MAPK4: variants seen among roughly 807,000 people sequenced by gnomAD.
The protein encoded by MAPK4 is Erk3-related.
A neutral mutation model predicts 47.7 loss-of-function variants in MAPK4; 22 were observed. The observed-to-expected ratio is 0.46, with a 90% CI of 0.33 to 0.66. The LOEUF is 0.66. MAPK4 is among the 30% of genes least tolerant of loss of function. The pLI, the probability that MAPK4 is intolerant of heterozygous loss-of-function variation, is 0.02. For missense variants in MAPK4, 736 were observed against 831.7 expected, an observed-to-expected ratio of 0.88 and a Z score of 1.42; for synonymous variants, 390 against 365.7, an observed-to-expected ratio of 1.07 and a Z score of -0.76.
At chr18:50,610,632 A>C (rs1045240651) in intron 1 of MAPK4, among the ~76,000 whole-genome samples, 1 of 152,216 alleles carries the variant, frequency 6.6e-6, no homozygotes, top group African/African-American at 2.4e-5. Flanking sequence ...ATAATTGAAC[A>C]GAGACTAGAA....
chr18:50,660,821 C>T (rs188517875), intron 1 of MAPK4, among the ~76,000 whole-genome samples: 140 of 152,182 alleles, frequency 9.2e-4, no homozygotes, highest in Admixed American at 2.0e-3. Context: ...TATTTAGCAG[C>T]CCACAAGAAA....
At chr18:50,600,873 T>A (rs1052752246) in intron 1 of MAPK4, among the ~76,000 whole-genome samples, 28 of 152,234 alleles carry the variant, frequency 1.8e-4, no homozygotes, top group South Asian at 4.1e-4. Flanking sequence ...AGAAATTTTT[T>A]AAAAATATGT....
chr18:50,710,027 G>A (rs1910264523), intron 2 of MAPK4, among the ~76,000 whole-genome samples: 1 of 152,126 alleles, frequency 6.6e-6, no homozygotes, highest in South Asian at 2.1e-4. Flanking sequence ...GGGAAGGCGA[G>A]GCTGTCAGAG....
At chr18:50,697,880 G>A (rs1909593472) in intron 2 of MAPK4, among the ~76,000 whole-genome samples, 1 of 152,194 alleles carries the variant, frequency 6.6e-6, no homozygotes, top group African/African-American at 2.4e-5. Flanking sequence ...AGACTGACTT[G>A]TGGAAAGGGC....
In MAPK4 at chr18:50,612,695, C is replaced by T. The variant is rs185245471; in HGVS notation, c.-870-50394C>T. Among the ~76,000 whole-genome samples the T allele has an allele frequency of 4.2e-3, 635 of 152,248 alleles. 7 individuals carry two copies. The highest frequency in any genetic ancestry group is 0.014 in the African/African-American group (585 of 41,530). ...CATCTTCTGTGTACATCCTATAGCA[C>T]CCTGCAGTCATGGAGCTAGCAGGAA... On this transcript the variant is annotated intron_variant, in intron 1 of 5. Transcript: ENST00000400384.
chr18:50,678,072 T>C lies in MAPK4; in HGVS notation c.546+13568T>C, dbSNP rs572866030. On this transcript the variant is annotated intron_variant, in intron 2 of 5. Transcript: ENST00000400384. The surrounding 1 kb of genome is among the most constrained non-coding windows in gnomAD (Gnocchi z 4.2). ...CCTCCCTCAGGCTGGCTCCATCCCC[T>C]CATAATAACTCAGGTTTCTGTGTTC... Among the ~76,000 whole-genome samples the C allele has an allele frequency of 2.0e-5, 3 of 152,304 alleles. No individual in the cohort carries two copies. Among genetic ancestry groups the C allele is most frequent in the African/African-American group, 7.2e-5 (3 of 41,568 alleles).
intron 3 of MAPK4, among the ~76,000 whole-genome samples, chr18:50,717,823 G>A (rs1400845144): frequency 2.0e-5 from 3 of 152,182 alleles, no homozygotes; most frequent in Non-Finnish European, 4.4e-5. Context: ...ATTAGCTCAT[G>A]GGCACTGCAG....
At chr18:50,649,259 C>T (rs1358447036) in intron 1 of MAPK4, among the ~76,000 whole-genome samples, 4 of 152,232 alleles carry the variant, frequency 2.6e-5, no homozygotes, top group African/African-American at 9.6e-5. Flanking sequence ...CCCACTCCCA[C>T]ACTTGGGATC....
At chr18:50,628,364 C>A (rs966293642) in intron 1 of MAPK4, among the ~76,000 whole-genome samples, 1 of 152,144 alleles carries the variant, frequency 6.6e-6, no homozygotes. Context: ...TTTCCATTGC[C>A]GTCTGATCTC....
chr18:50,679,087 A>G (rs866401698), intron 2 of MAPK4, among the ~76,000 whole-genome samples: 42 of 152,116 alleles, frequency 2.8e-4, no homozygotes, highest in African/African-American at 9.2e-4. Flanking sequence ...GCCTTTTATT[A>G]TGGAATTGGA....
At chr18:50,562,418 T>A (rs1388678264) in intron 1 of MAPK4, among the ~76,000 whole-genome samples, 171 of 137,258 alleles carry the variant, frequency 1.2e-3, no homozygotes, top group Middle Eastern at 4.0e-3. Context: ...TTTTGGCCAA[T>A]AAAAAAAAAA....
chr18:50,705,947 T>C (rs1910030396), intron 2 of MAPK4: 1 of 152,212 alleles, frequency 6.6e-6, no homozygotes, highest in Non-Finnish European at 1.5e-5. Context: ...ACAGGGACTT[T>C]GTTTTGCTCA....
chr18:50,597,669 C>T (rs2042494981), intron 1 of MAPK4, among the ~76,000 whole-genome samples: 1 of 152,114 alleles, frequency 6.6e-6, no homozygotes, highest in Non-Finnish European at 1.5e-5. Context: ...CCAGGAGGCA[C>T]CCCCAGGACA....
chr18:50,596,156 A>G (rs763881770), intron 1 of MAPK4, among the ~76,000 whole-genome samples: 1 of 152,084 alleles, frequency 6.6e-6, no homozygotes, highest in Non-Finnish European at 1.5e-5. Flanking sequence ...GATAGGTGCT[A>G]TTGTCATCCG....
Position 50,715,061 on chromosome 18 carries a change from A to G in MAPK4, c.547-18A>G, listed in dbSNP as rs765655310. 6 of 1,612,234 alleles carry G rather than the reference A, an allele frequency of 3.7e-6. No homozygotes were observed. The highest frequency in any genetic ancestry group is 8.5e-7 in the Non-Finnish European group (1 of 1,179,376). On this transcript the variant is annotated intron_variant, in intron 2 of 5. Coordinates refer to ENST00000400384, the MANE Select transcript of MAPK4 (RefSeq NM_002747.4). ...CCAAAAATGACTGATCAGTGGAACCAGAAATTTTGTCTTTCAGGGTTATCT... is the reference window on the plus strand; with the variant it reads ...CCAAAAATGACTGATCAGTGGAACCGGAAATTTTGTCTTTCAGGGTTATCT...
At chr18:50,585,853 C>T (rs2042383620) in intron 1 of MAPK4, among the ~76,000 whole-genome samples, 2 of 152,156 alleles carry the variant, frequency 1.3e-5, no homozygotes, top group African/African-American at 2.4e-5. Flanking sequence ...AAGTGCTGAG[C>T]AAAGGGGGAA....
chr18:50,598,932 G>A (rs2042509421), intron 1 of MAPK4, among the ~76,000 whole-genome samples: 3 of 152,064 alleles, frequency 2.0e-5, no homozygotes, highest in African/African-American at 7.2e-5. Flanking sequence ...TCATATCAGG[G>A]GATACATGAT....
intron 1 of MAPK4, among the ~76,000 whole-genome samples, chr18:50,635,660 C>T (rs771947012): frequency 8.5e-5 from 13 of 152,318 alleles, no homozygotes; most frequent in Non-Finnish European, 7.4e-5. Flanking sequence ...TGCAAGACTC[C>T]GTGGTCTGGT....
chr18:50,691,681 C>T (rs1477262434), intron 2 of MAPK4, among the ~76,000 whole-genome samples: 1 of 152,198 alleles, frequency 6.6e-6, no homozygotes, highest in East Asian at 1.9e-4. Flanking sequence ...GGAAAAGAGA[C>T]ATTTAGCCTG....
Sources: allele counts gnomAD v4.1 joint callset (sites outside exome capture counted in the v4.1 genomes callset), GRCh38; gene constraint gnomAD v4.1.1; non-coding constraint Gnocchi (gnomAD v3.1); transcripts MANE v1.5; gene names NCBI Gene and HGNC (gene_info 2026-07-23, HGNC 2026-07-21).